COL1A2: variants seen among roughly 807,000 people sequenced by gnomAD.
COL1A2 encodes collagen type I alpha 2 chain, also known as collagen alpha-2(I) chain.
In COL1A2, 49 loss-of-function variants were observed where a neutral mutation model predicts 174.3. That is an observed-to-expected ratio of 0.28 (90% CI 0.22 to 0.36). The LOEUF (loss-of-function observed/expected upper bound fraction) is 0.36, where lower values mean the gene tolerates loss of function less well. Among genes scored for constraint, COL1A2 ranks in the 10% least tolerant of loss-of-function variants. The pLI, the probability that COL1A2 is intolerant of heterozygous loss-of-function variation, is 1.00. For missense variants in COL1A2, 1,438 were observed against 1,822.7 expected, an observed-to-expected ratio of 0.79 and a Z score of 3.84; for synonymous variants, 655 against 606.6, an observed-to-expected ratio of 1.08 and a Z score of -1.17.
In COL1A2 at chr7:94,406,308, A is replaced by G. The variant is rs200744314; in HGVS notation, c.594+5A>G. 1 of 1,613,768 alleles carries G rather than the reference A, an allele frequency of 6.2e-7. No individual in the cohort carries two copies. Among genetic ancestry groups the G allele is most frequent in the Non-Finnish European group, 8.5e-7 (1 of 1,179,682 alleles). On this transcript the variant is annotated splice_donor_5th_base_variant and intron_variant, in intron 12 of 51. Coordinates refer to ENST00000297268, the MANE Select transcript of COL1A2 (RefSeq NM_000089.4). ...CCCGGTGCTCCTGGTGTGAAGGTAA[A>G]TATTAAATTAGAAGCACTGTTTTTA...
chr7:94,403,991 C>T (rs1791743719), intron 6 of COL1A2, among the ~76,000 whole-genome samples: 1 of 151,974 alleles, frequency 6.6e-6, no homozygotes, highest in South Asian at 2.1e-4. Flanking sequence ...TTTATTTTTC[C>T]TTCACCCCTC....
At chr7:94,424,185 T>G (rs1792227110) in intron 40 of COL1A2, 151 bp from the exon 41 acceptor site, 4 of 674,634 alleles carry the variant, frequency 5.9e-6, no homozygotes, top group Admixed American at 2.2e-5. Context: ...CCGTCATCAC[T>G]AGAGAAAAGA....
chr7:94,407,597 T>C (rs1472349011), intron 12 of COL1A2, among the ~76,000 whole-genome samples: 1 of 152,134 alleles, frequency 6.6e-6, no homozygotes, highest in Non-Finnish European at 1.5e-5. Context: ...AAGGGAGAAA[T>C]TGGGGAGGAG....
chr7:94,401,595 G>A lies in COL1A2; in HGVS notation c.254G>A (p.Gly85Glu). The A allele has an allele frequency of 1.3e-6, 2 of 1,576,064 alleles. No individual in the cohort carries two copies. The highest frequency in any genetic ancestry group is 1.7e-6 in the Non-Finnish European group (2 of 1,159,318). Reference sequence around the variant, plus strand: ...TTTGCTGCTCAGTATGATGGAAAAGGAGTTGGACTTGGCCCTGGACCAATG... The same window carrying A: ...TTTGCTGCTCAGTATGATGGAAAAGAAGTTGGACTTGGCCCTGGACCAATG... ...GNFAAQYDGK[G>E]VGLGPGPMGL... Residue 85 changes from glycine (G) to glutamate (E), a missense_variant, in exon 6 of 52, where the codon GGA becomes GAA. Around this residue, in one of 3 missense-constraint regions of COL1A2, gnomAD observed 281 missense variants for 310.9 expected, o/e 0.90. Transcript: ENST00000297268.
At position 94,420,869 on chromosome 7, in the gene COL1A2, G is replaced by A. The variant is rs1215959908; in HGVS notation, c.2296-140G>A. 5.2e-6 allele frequency: 5 copies of A among 953,516 alleles called. No homozygotes were observed. The African/African-American group carries it at 8.1e-5, about 16-fold the overall frequency. The allele number at this position is 953,516 out of a possible 1,614,324, so 59.1% of individuals were successfully genotyped here. Reference sequence around the variant, plus strand: ...ATAACCTCATAAGGGTGGTAATATTGAAGAACATTCTGACACAGATAGTCA... The same window carrying A: ...ATAACCTCATAAGGGTGGTAATATTAAAGAACATTCTGACACAGATAGTCA... On this transcript the variant is annotated intron_variant, in intron 37 of 51. Coordinates refer to ENST00000297268, the MANE Select transcript of COL1A2 (RefSeq NM_000089.4).
rs568884454 is a variant in COL1A2 at position 94,406,520 on chromosome 7, A to G, written c.594+217A>G. 2.6e-5 allele frequency among the ~76,000 whole-genome samples: 4 copies of G among 152,312 alleles called. No homozygotes were observed. The South Asian group carries it at 8.3e-4, about 32-fold the overall frequency. ...ATTAAAATTCAATATCTATTAAACA[A>G]TTGAGATAAAAATAATATTAATAGT... On this transcript the variant is annotated intron_variant, in intron 12 of 51. Transcript: ENST00000297268.
At chr7:94,426,175 G>C in intron 45 of COL1A2, 124 bp downstream of exon 45, 1 of 957,112 alleles carries the variant, frequency 1.0e-6, no homozygotes, top group African/African-American at 1.6e-5. Context: ...TTCAGTCCAT[G>C]CTGAGAATTG....
chr7:94,423,370 G>C (rs1029941715), intron 40 of COL1A2: 2 of 491,974 alleles, frequency 4.1e-6, no homozygotes, highest in East Asian at 4.0e-5. Flanking sequence ...GCTATTGAAG[G>C]CACCTTACTG....
intron 41 of COL1A2, 45 bp downstream of exon 41, chr7:94,424,488 T>C (rs781595611): frequency 2.9e-5 from 44 of 1,538,482 alleles, no homozygotes; most frequent in Admixed American, 1.2e-4. Context: ...TAAGAAAAGA[T>C]TTTAAAAGCT....
At chr7:94,421,760 T>A in intron 38 of COL1A2, 139 bp from the exon 39 acceptor site, 1 of 659,102 alleles carries the variant, frequency 1.5e-6, no homozygotes, top group Non-Finnish European at 2.8e-6. Flanking sequence ...AATAATGCCC[T>A]ATATGAAGCT....
intron 14 of COL1A2, 34 bp from the exon 15 acceptor site, chr7:94,408,302 T>C (rs1388351378): frequency 1.2e-6 from 2 of 1,614,044 alleles, no homozygotes; most frequent in African/African-American, 1.3e-5. Context: ...GTCATTTAAG[T>C]TTCCACCTGA....
intron 42 of COL1A2, 174 bp downstream of exon 42, chr7:94,425,398 C>A: frequency 1.2e-6 from 1 of 810,670 alleles, no homozygotes; most frequent in Non-Finnish European, 2.0e-6. Flanking sequence ...AAAGAATGGG[C>A]TTTTCAATAG....
At chr7:94,429,588 T>C in intron 51 of COL1A2, 158 bp downstream of exon 51, 1 of 663,934 alleles carries the variant, frequency 1.5e-6, no homozygotes, top group Non-Finnish European at 2.5e-6. Flanking sequence ...TGTATGTATT[T>C]TATATTTATT....
chr7:94,397,058 T>G (rs529943429), intron 1 of COL1A2, among the ~76,000 whole-genome samples: 2 of 152,216 alleles, frequency 1.3e-5, no homozygotes, highest in Non-Finnish European at 2.9e-5. Flanking sequence ...ACAAAACTCT[T>G]TCTCCGAGAC....
chr7:94,401,506 C>T, intron 5 of COL1A2, 61 bp from the exon 6 acceptor site: 1 of 741,388 alleles, frequency 1.3e-6, no homozygotes, highest in Admixed American at 4.4e-5. Context: ...AAATGAACTA[C>T]ATGACTAGTA....
chr7:94,401,461 A>G, intron 5 of COL1A2, 106 bp from the exon 6 acceptor site: 1 of 437,798 alleles, frequency 2.3e-6, no homozygotes, highest in East Asian at 7.5e-5. Flanking sequence ...CCTCTTTTAA[A>G]TAACAACAGA....
intron 3 of COL1A2, among the ~76,000 whole-genome samples, chr7:94,398,741 G>A (rs1263595911): frequency 6.6e-6 from 1 of 151,906 alleles, no homozygotes; most frequent in East Asian, 1.9e-4. Flanking sequence ...TAAATGTGCT[G>A]TTAAAAATGT....
At position 94,411,055 on chromosome 7, in the gene COL1A2, G is replaced by A. The variant is rs1791911438; in HGVS notation, c.1252-1G>A. 1 of 1,569,610 alleles carries A rather than the reference G, an allele frequency of 6.4e-7. No homozygotes were observed. The highest frequency in any genetic ancestry group is 1.7e-4 in the Middle Eastern group (1 of 5,980). On this transcript the variant is annotated splice_acceptor_variant, in intron 22 of 51. Coordinates refer to ENST00000297268, the MANE Select transcript of COL1A2 (RefSeq NM_000089.4). LOFTEE classifies it high-confidence loss of function. ...TCTGTTTTTTTTTTTTTTTTGAATAGGGCCCTCCTGGTAGTCGTGGTGCAA... is the reference window on the plus strand; with the variant it reads ...TCTGTTTTTTTTTTTTTTTTGAATAAGGCCCTCCTGGTAGTCGTGGTGCAA...
At chr7:94,401,252 C>T (rs1025125699) in intron 5 of COL1A2, among the ~76,000 whole-genome samples, 1 of 152,056 alleles carries the variant, frequency 6.6e-6, no homozygotes, top group Non-Finnish European at 1.5e-5. Context: ...GTTTAGAAAG[C>T]TTCCCTTCCT....
Sources: gnomAD v4.1 joint callset for allele counts (sites outside exome capture counted in the v4.1 genomes callset) on GRCh38, gnomAD v4.1.1 for gene constraint, gnomAD v4.1.1 regional missense constraint, MANE v1.5 for transcripts, NCBI Gene and HGNC (gene_info 2026-07-23, HGNC 2026-07-21) for gene names.